NGF: variants seen among roughly 807,000 people sequenced by gnomAD.
NGF encodes the protein nerve growth factor.
Under a neutral mutation model 12.8 loss-of-function variants are expected in NGF, and 4 were observed. That is an observed-to-expected ratio of 0.31 (90% CI 0.15 to 0.72). The LOEUF (loss-of-function observed/expected upper bound fraction) is 0.72. Among genes scored for constraint, NGF ranks in the 30% least tolerant of loss-of-function variants. The probability of loss-of-function intolerance (pLI) is 0.69; values close to 1 mark genes in which losing one functional copy is unlikely to be tolerated. For synonymous variants in NGF, 140 were observed against 130.0 expected (o/e 1.08, Z -0.52); for missense variants, 283 against 330.8 (o/e 0.86, Z 1.12).
intron 2 of NGF, among the ~76,000 whole-genome samples, chr1:115,288,823 C>T (rs149180808): frequency 3.4e-4 from 52 of 152,330 alleles, no homozygotes; most frequent in African/African-American, 1.2e-3. Context: ...ATGAGAGTGG[C>T]AAGAGAAGCT....
chr1:115,286,187 C>T lies in NGF; in HGVS notation c.609G>A (p.Thr203=), dbSNP rs143157422. 4.3e-6 allele frequency: 7 copies of T among 1,613,974 alleles called. No homozygotes were observed. Among genetic ancestry groups the T allele is most frequent in the Non-Finnish European group, 5.1e-6 (6 of 1,180,042 alleles). Reference sequence around the variant, plus strand: ...TCAGCGCCTTGACAAAGGTGTGAGTCGTGGTACAATATGAGTTCCAGTGCT... The same window carrying T: ...TCAGCGCCTTGACAAAGGTGTGAGTTGTGGTACAATATGAGTTCCAGTGCT... The part of the protein sequence containing the change: ...DSKHWNSYCT[T]THTFVKALTM... Residue 203 remains threonine, a synonymous_variant, in exon 3 of 3, where the codon ACG becomes ACA. Coordinates refer to ENST00000369512, the MANE Select transcript of NGF (RefSeq NM_002506.3).
chr1:115,295,507 C>A (rs1159002467), intron 1 of NGF, among the ~76,000 whole-genome samples: 6 of 152,068 alleles, frequency 3.9e-5, no homozygotes, highest in Non-Finnish European at 8.8e-5. Context: ...TGGGCATTAT[C>A]TGGTCCCATT....
At chr1:115,332,865 C>T (rs1402925619) in intron 1 of NGF, among the ~76,000 whole-genome samples, 1 of 152,174 alleles carries the variant, frequency 6.6e-6, no homozygotes, top group African/African-American at 2.4e-5. Context: ...CCAAAGGGAG[C>T]CTGTCCCACT....
intron 1 of NGF, among the ~76,000 whole-genome samples, chr1:115,332,617 C>A (rs776852938): frequency 6.6e-6 from 1 of 152,172 alleles, no homozygotes; most frequent in African/African-American, 2.4e-5. Context: ...CCCCTCATGC[C>A]AGGCCTGTGC....
At chr1:115,294,873 G>T (rs1200896572) in intron 1 of NGF, among the ~76,000 whole-genome samples, 1 of 152,192 alleles carries the variant, frequency 6.6e-6, no homozygotes, top group Non-Finnish European at 1.5e-5. Context: ...AAGGAGCTAT[G>T]GTTTTATCCT....
At chr1:115,334,533 C>CT in intron 1 of NGF, among the ~76,000 whole-genome samples, 1 of 152,068 alleles carries the variant, frequency 6.6e-6, no homozygotes, top group African/African-American at 2.4e-5. Flanking sequence ...AGGTCCCTGC[C>CT]GATGGTGGCC....
intron 1 of NGF, among the ~76,000 whole-genome samples, chr1:115,324,997 A>T (rs1488174333): frequency 2.6e-5 from 4 of 152,240 alleles, no homozygotes; most frequent in African/African-American, 2.4e-5. Context: ...AAAACAAATC[A>T]TAAAATTAAG....
At chr1:115,288,355 G>C (rs1469262163) in intron 2 of NGF, among the ~76,000 whole-genome samples, 1 of 152,180 alleles carries the variant, frequency 6.6e-6, no homozygotes, top group Non-Finnish European at 1.5e-5. Context: ...CAGAGCCTTA[G>C]CGTTCCCATT....
intron 1 of NGF, among the ~76,000 whole-genome samples, chr1:115,333,705 CTTT>C (rs1557949287): frequency 5.8e-5 from 4 of 69,394 alleles, no homozygotes; most frequent in African/African-American, 1.6e-4. Context: ...TTCTTTCTTT[CTTT>C]CTTTCTTTTC....
intron 1 of NGF, among the ~76,000 whole-genome samples, chr1:115,321,270 C>T (rs72699557): frequency 3.7e-3 from 567 of 152,228 alleles, no homozygotes; most frequent in Non-Finnish European, 6.7e-3. Flanking sequence ...GCTAGCACAG[C>T]TCCTGGTATG....
intron 1 of NGF, among the ~76,000 whole-genome samples, chr1:115,316,432 T>C (rs1254763753): frequency 6.6e-6 from 1 of 152,190 alleles, no homozygotes; most frequent in African/African-American, 2.4e-5. Context: ...TTTGCAGAAA[T>C]TGGTGTCATC....
At chr1:115,321,828 GA>G (rs1353597087) in intron 1 of NGF, among the ~76,000 whole-genome samples, 1 of 151,998 alleles carries the variant, frequency 6.6e-6, no homozygotes. Context: ...ACTGAAATAA[GA>G]AGCACCAAAC....
At chr1:115,335,766 C>T (rs2101059974) in intron 1 of NGF, among the ~76,000 whole-genome samples, 1 of 152,300 alleles carries the variant, frequency 6.6e-6, no homozygotes, top group Non-Finnish European at 1.5e-5. Context: ...GGGCCTTGGC[C>T]CTACTCCATG....
intron 1 of NGF, among the ~76,000 whole-genome samples, chr1:115,326,706 C>G (rs1337393461): frequency 2.0e-5 from 3 of 152,056 alleles, no homozygotes; most frequent in African/African-American, 7.2e-5. Flanking sequence ...TGGAATGGAC[C>G]AGGAGGAGCC....
At chr1:115,292,393 G>A (rs967958404) in intron 2 of NGF, among the ~76,000 whole-genome samples, 3 of 152,116 alleles carry the variant, frequency 2.0e-5, no homozygotes, top group African/African-American at 7.2e-5. Context: ...AGACTGCTGG[G>A]CCCCATCTCC....
chr1:115,286,830 G>A lies in NGF; in HGVS notation c.-12-23C>T, dbSNP rs369428555. 8.1e-6 allele frequency: 13 copies of A among 1,613,570 alleles called. No individual in the cohort carries two copies. In the South Asian group the frequency reaches 9.9e-5, roughly 12 times the overall value. On this transcript the variant is annotated intron_variant, in intron 2 of 2. Coordinates refer to ENST00000369512, the MANE Select transcript of NGF (RefSeq NM_002506.3). ...CACCTGGAATGAAAAAGAAATGAGG[G>A]TGACTTCATGGAGTACTAAATGCAG...
chr1:115,304,355 G>GTTTT (rs1292976476), intron 1 of NGF, among the ~76,000 whole-genome samples: 2 of 21,826 alleles, frequency 9.2e-5, no homozygotes, highest in Non-Finnish European at 1.5e-4. Context: ...TGTATTTTTA[G>GTTTT]TAGAGATGAG....
intron 1 of NGF, among the ~76,000 whole-genome samples, chr1:115,294,640 G>A (rs1014136418): frequency 1.3e-5 from 2 of 152,194 alleles, no homozygotes; most frequent in Non-Finnish European, 2.9e-5. Context: ...AGGATGTATC[G>A]AGGGGCCACT....
intron 1 of NGF, among the ~76,000 whole-genome samples, chr1:115,332,084 G>A (rs902765829): frequency 6.6e-6 from 1 of 152,206 alleles, no homozygotes; most frequent in African/African-American, 2.4e-5. Flanking sequence ...TTGTAAACTT[G>A]AAGAATTCCT....
Sources: gnomAD v4.1 joint callset for allele counts (sites outside exome capture counted in the v4.1 genomes callset) on GRCh38, gnomAD v4.1.1 for gene constraint, MANE v1.5 for transcripts, NCBI Gene and HGNC (gene_info 2026-07-23, HGNC 2026-07-21) for gene names.